Variants in KCNN1 observed in about 807,000 individuals in gnomAD.
KCNN1 encodes potassium calcium-activated channel subfamily N member 1.
KCNN1 carries 20 observed loss-of-function variants against 44.7 expected under a neutral mutation model. The observed-to-expected ratio is 0.45, with a 90% CI of 0.32 to 0.65. The LOEUF is 0.65. Ranked by LOEUF, KCNN1 falls within the 30% of genes least tolerant of loss-of-function variation. The probability of loss-of-function intolerance (pLI) is 0.05; values close to 1 mark genes in which losing one functional copy is unlikely to be tolerated. For missense variants in KCNN1, 632 were observed against 785.3 expected, an observed-to-expected ratio of 0.80 and a Z score of 2.33; for synonymous variants, 324 against 341.7, an observed-to-expected ratio of 0.95 and a Z score of 0.57.
intron 5 of KCNN1, among the ~76,000 whole-genome samples, chr19:17,986,252 A>T (rs550567627): frequency 1.2e-4 from 18 of 152,090 alleles, no homozygotes; most frequent in Non-Finnish European, 2.2e-4. Flanking sequence ...AATCCCAGCT[A>T]CTAGGGAGGC....
chr19:17,989,547 A>G (rs555956861), intron 6 of KCNN1, among the ~76,000 whole-genome samples, 169 bp from the exon 7 acceptor site: 1 of 152,346 alleles, frequency 6.6e-6, no homozygotes, highest in Admixed American at 6.5e-5. Context: ...TGTTAGGTAT[A>G]CACACACTGC....
rs1333596507 is a variant in KCNN1 at position 17,983,504 on chromosome 19, G to C, written c.917+1377G>C. On this transcript the variant is annotated intron_variant, in intron 4 of 9. Coordinates refer to ENST00000684775, the MANE Select transcript of KCNN1 (RefSeq NM_001386974.1). The surrounding 1 kb of genome is among the most constrained non-coding windows in gnomAD (Gnocchi z 4.5). Reference sequence around the variant, plus strand: ...TCCCCCATGCAGCTCTCACACCCCTGATGGGTGGGGTCAGAACTAGGGTTA... The same window carrying C: ...TCCCCCATGCAGCTCTCACACCCCTCATGGGTGGGGTCAGAACTAGGGTTA... Among the ~76,000 whole-genome samples, 1 of 152,094 alleles carries C rather than the reference G, an allele frequency of 6.6e-6. No homozygotes were observed. The highest frequency in any genetic ancestry group is 1.5e-5 in the Non-Finnish European group (1 of 67,976).
At chr19:17,982,246 T>C in intron 4 of KCNN1, 119 bp downstream of exon 4, 1 of 857,090 alleles carries the variant, frequency 1.2e-6, no homozygotes, top group Non-Finnish European at 1.7e-6. Flanking sequence ...TGCTTCTGTC[T>C]CCCCGACTGC....
chr19:17,998,393 C>T lies in KCNN1; in HGVS notation c.1619C>T (p.Ser540Leu), dbSNP rs775183496. ...TGCCGGTGGACGCCCGTGGCCCCCTCGGACTGCGGGTGACGGCCCTGCCCG... is the reference window on the plus strand; with the variant it reads ...TGCCGGTGGACGCCCGTGGCCCCCTTGGACTGCGGGTGACGGCCCTGCCCG... ...SPCRWTPVAP[S>L]DCG Residue 540 changes from serine to leucine, a missense_variant, in exon 10 of 10, where the codon TCG (serine) becomes TTG (leucine). Physicochemically the swap from Ser to Leu is moderately radical, Grantham distance 145. Coordinates refer to ENST00000684775, the MANE Select transcript of KCNN1 (RefSeq NM_001386974.1). This position sits in a 1 kb window ranked among gnomAD's most constrained non-coding sequence, Gnocchi z 5.4. 2 of 1,483,206 alleles carry T rather than the reference C, an allele frequency of 1.3e-6. No homozygotes were observed. Among genetic ancestry groups the T allele is most frequent in the Non-Finnish European group, 8.9e-7 (1 of 1,123,538 alleles). 91.9% of individuals were successfully genotyped at this position (1,483,206 alleles called of 1,614,324 possible).
At chr19:17,992,171 A>ATTAAACCAGGTGTGCTGGTGAGCGCTTGT (rs2032817382) in intron 7 of KCNN1, among the ~76,000 whole-genome samples, 3 of 151,432 alleles carry the variant, frequency 2.0e-5, no homozygotes, top group South Asian at 2.1e-4. Context: ...AAATACAAAA[A>ATTAAACCAGGTGTGCTGGTGAGCGCTTGT]AATTAGCTGA....
chr19:17,967,315 C>A lies in KCNN1; in HGVS notation c.-84C>A. Reference sequence around the variant, plus strand: ...GTCCGCCCGCTCGGGCCGAGCCCCGCAGGTACAGGGTGGGATGGGTGAGGG... The same window carrying A: ...GTCCGCCCGCTCGGGCCGAGCCCCGAAGGTACAGGGTGGGATGGGTGAGGG... On this transcript the variant is annotated splice_region_variant and 5_prime_UTR_variant, in exon 1 of 10. Coordinates refer to ENST00000684775, the MANE Select transcript of KCNN1 (RefSeq NM_001386974.1). 3.0e-6 allele frequency: 3 copies of A among 985,268 alleles called. No homozygotes were observed. The highest frequency in any genetic ancestry group is 3.6e-6 in the Non-Finnish European group (3 of 829,772). 61.0% of individuals were successfully genotyped at this position (985,268 alleles called of 1,614,324 possible). A position where few individuals can be genotyped will look rare whatever the true frequency, so the allele number is the denominator to read the frequency against.
intron 2 of KCNN1, among the ~76,000 whole-genome samples, chr19:17,955,582 A>G (rs2031523679): frequency 6.7e-6 from 1 of 149,578 alleles, no homozygotes; most frequent in Admixed American, 6.7e-5. Context: ...AAAAAAAAGA[A>G]AGAAAGAAAA....
chr19:17,986,486 C>G (rs1043281635), intron 5 of KCNN1, among the ~76,000 whole-genome samples: 2 of 152,106 alleles, frequency 1.3e-5, no homozygotes, highest in Admixed American at 6.6e-5. Flanking sequence ...GGCAGCACCC[C>G]GTCTCCCCGA....
At chr19:17,958,606 C>T (rs1461898429) in intron 2 of KCNN1, among the ~76,000 whole-genome samples, 1 of 151,318 alleles carries the variant, frequency 6.6e-6, no homozygotes, top group Non-Finnish European at 1.5e-5. Context: ...GTGCCTTAAC[C>T]TCCTGGGTAG....
At chr19:17,969,352 C>T (rs927795272) in intron 1 of KCNN1, among the ~76,000 whole-genome samples, 6 of 152,198 alleles carry the variant, frequency 3.9e-5, no homozygotes, top group Non-Finnish European at 7.3e-5. Context: ...TCTCTGAGCT[C>T]TGTCTCCCGT....
chr19:17,963,883 C>T (rs1239244278), upstream of KCNN1, among the ~76,000 whole-genome samples: 3 of 152,136 alleles, frequency 2.0e-5, no homozygotes, highest in Non-Finnish European at 2.9e-5. Context: ...CATGGCTCCA[C>T]GCCTAGCTAA....
At chr19:17,956,773 G>T (rs1645232178) in intron 2 of KCNN1, among the ~76,000 whole-genome samples, 1 of 151,906 alleles carries the variant, frequency 6.6e-6, no homozygotes, top group Non-Finnish European at 1.5e-5. Context: ...GAGAAAGGGG[G>T]CCAGGTGTGG....
chr19:17,989,677 C>T (rs757111968), intron 6 of KCNN1, 39 bp from the exon 7 acceptor site: 6 of 1,611,794 alleles, frequency 3.7e-6, no homozygotes, highest in African/African-American at 2.7e-5. Flanking sequence ...TTTGGAATTT[C>T]GCGCCAACCC....
intron 2 of KCNN1, among the ~76,000 whole-genome samples, chr19:17,957,875 A>G (rs1408647492): frequency 6.6e-6 from 1 of 152,082 alleles, no homozygotes; most frequent in Non-Finnish European, 1.5e-5. Flanking sequence ...GTGGAGGCCC[A>G]GGAGATGTCT....
chr19:17,969,090 C>T (rs2031921307), intron 1 of KCNN1, among the ~76,000 whole-genome samples: 2 of 152,010 alleles, frequency 1.3e-5, no homozygotes, highest in South Asian at 4.2e-4. Flanking sequence ...TCCTGGGTCT[C>T]TGGGAATCCC....
At chr19:17,966,275 G>A (rs1682966705), upstream of KCNN1, among the ~76,000 whole-genome samples, 1 of 152,162 alleles carries the variant, frequency 6.6e-6, no homozygotes, top group Non-Finnish European at 1.5e-5. Context: ...GGACAGAGCT[G>A]AACACAGTCA....
At chr19:17,954,390 G>T (rs912532294) in intron 1 of KCNN1, among the ~76,000 whole-genome samples, 13 of 151,920 alleles carry the variant, frequency 8.6e-5, no homozygotes, top group Non-Finnish European at 1.6e-4. Context: ...CCTGGAGGCG[G>T]CAGTTGCAGT....
rs2033082181 is a variant in KCNN1, at chr19:17,998,489, T to C, written c.*83T>C. 3.0e-6 allele frequency: 4 copies of C among 1,338,560 alleles called. No individual in the cohort carries two copies. In the East Asian group the frequency reaches 1.0e-4, roughly 35 times the overall value. 82.9% of individuals were successfully genotyped at this position (1,338,560 alleles called of 1,614,324 possible). The stretch of plus-strand genomic sequence containing the variant: ...GGAAGCCTTGTACAGTGGCGCCTCT[T>C]GGAGTTCAAGAAGCCAACGCTGAGT... On this transcript the variant is annotated 3_prime_UTR_variant, in exon 10 of 10. Transcript: ENST00000684775. This position sits in a 1 kb window ranked among gnomAD's most constrained non-coding sequence, Gnocchi z 5.4.
rs1433356727 is a variant in KCNN1, at chr19:17,998,123, T to TCTCTCCTGCCC, written c.1378-23_1378-13dup. The TCTCTCCTGCCC allele has an allele frequency of 1.3e-6, 2 of 1,549,796 alleles. No homozygotes were observed. Among genetic ancestry groups the TCTCTCCTGCCC allele is most frequent in the Non-Finnish European group, 1.7e-6 (2 of 1,148,302 alleles). On this transcript the variant is annotated intron_variant, in intron 9 of 9. Transcript: ENST00000684775. The surrounding 1 kb of genome is among the most constrained non-coding windows in gnomAD (Gnocchi z 5.4). ...CTTTCCTCTCTCACTCAGCGGCGCC[T>TCTCTCCTGCCC]CTCTCCTGCCCCTCTCTGTCTCCCG...
Sources: gnomAD v4.1 joint callset for allele counts (sites outside exome capture counted in the v4.1 genomes callset) on GRCh38, gnomAD v4.1.1 for gene constraint, Gnocchi (gnomAD v3.1) non-coding constraint, MANE v1.5 for transcripts, NCBI Gene and HGNC (gene_info 2026-07-23, HGNC 2026-07-21) for gene names.